FAT3: variants seen among roughly 807,000 people sequenced by gnomAD.
FAT3 encodes protocadherin Fat 3.
In FAT3, 95 loss-of-function variants were observed where a neutral mutation model predicts 310.2. That is an observed-to-expected ratio of 0.31 (90% CI 0.26 to 0.36). FAT3 has a LOEUF of 0.36. FAT3 is among the 10% of genes least tolerant of loss of function. The pLI, the probability that FAT3 is intolerant of heterozygous loss-of-function variation, is 1.00. For synonymous variants in FAT3, 2,314 were observed against 2,192.9 expected, an observed-to-expected ratio of 1.06 and a Z score of -1.54; for missense variants, 5,408 against 5,715.6, an observed-to-expected ratio of 0.95 and a Z score of 1.74.
chr11:92,671,760 A>G (rs1162966255), intron 3 of FAT3, among the ~76,000 whole-genome samples: 1 of 152,118 alleles, frequency 6.6e-6, no homozygotes, highest in Non-Finnish European at 1.5e-5. Flanking sequence ...ACATTTGAGT[A>G]AGGTGCTTAG....
chr11:92,321,482 A>G (rs1021788094), intron 1 of FAT3, among the ~76,000 whole-genome samples: 2 of 152,058 alleles, frequency 1.3e-5, no homozygotes, highest in African/African-American at 4.8e-5. Flanking sequence ...TGTACTCTAG[A>G]TTATTAATTT....
chr11:92,623,165 C>A (rs1941162886), intron 3 of FAT3, among the ~76,000 whole-genome samples: 1 of 95,938 alleles, frequency 1.0e-5, no homozygotes, highest in East Asian at 2.4e-4. Context: ...CTGCCATAGT[C>A]CCATGTTGCT....
intron 4 of FAT3, among the ~76,000 whole-genome samples, chr11:92,720,861 T>A (rs1052598969): frequency 6.6e-6 from 1 of 152,240 alleles, no homozygotes; most frequent in Non-Finnish European, 1.5e-5. Flanking sequence ...GTAAATGATA[T>A]TTGAACTCAG....
At chr11:92,854,660 A>T (rs1490869705) in intron 19 of FAT3, among the ~76,000 whole-genome samples, 3 of 152,208 alleles carry the variant, frequency 2.0e-5, no homozygotes, top group Admixed American at 1.3e-4. Flanking sequence ...GCTGTTTTTT[A>T]AAAATGTTAC....
At chr11:92,283,551 G>A (rs1946483242) in intron 1 of FAT3, among the ~76,000 whole-genome samples, 1 of 152,116 alleles carries the variant, frequency 6.6e-6, no homozygotes, top group African/African-American at 2.4e-5. Flanking sequence ...GTTGAATCCA[G>A]TTTCTTTGGC....
chr11:92,827,923 T>C (rs1023297995), intron 13 of FAT3, among the ~76,000 whole-genome samples: 18 of 152,162 alleles, frequency 1.2e-4, no homozygotes, highest in Middle Eastern at 3.2e-3. Flanking sequence ...AAGTCACACT[T>C]CTCTTGGTAA....
In FAT3 at chr11:92,720,439, A is replaced by G. The variant is rs147132261; in HGVS notation, c.3669+22994A>G. On this transcript the variant is annotated intron_variant, in intron 4 of 27. Transcript: ENST00000525166. ...TCTCAGGGAATAGATGGATACACAT[A>G]AAGAGAGCTACATAGTTCGTTTCTA... 2.8e-4 allele frequency among the ~76,000 whole-genome samples: 43 copies of G among 152,338 alleles called. No individual in the cohort carries two copies. The East Asian group carries it at 7.7e-3, about 27-fold the overall frequency.
In FAT3 at chr11:92,857,327, G is replaced by A. The variant is rs1450052251; in HGVS notation, c.11479G>A (p.Gly3827Arg). 1 of 1,614,012 alleles carries A rather than the reference G, an allele frequency of 6.2e-7. No individual in the cohort carries two copies. The highest frequency in any genetic ancestry group is 8.5e-7 in the Non-Finnish European group (1 of 1,179,904). The part of the protein sequence containing the change: ...RRPFLCQCPP[G>R]KLGECSGHTS... ...ACCGTTCCTCTGCCAGTGTCCACCA[G>A]GGAAGCTCGGAGAGTGCTCAGGTGC... The change falls in exon 20 of 28, where the codon GGG (glycine) becomes AGG (arginine). Residue 3827 changes from glycine (G) to arginine (R), a missense_variant. Physicochemically the swap from Gly to Arg is moderately radical, Grantham distance 125. Coordinates refer to ENST00000525166, the MANE Select transcript of FAT3 (RefSeq NM_001367949.2).
chr11:92,890,733 G>A lies in FAT3; in HGVS notation c.13390G>A (p.Glu4464Lys), dbSNP rs2136445803. ...PLPEDFPDQY[E>K]ALPPSQPVSL... is the part of the protein sequence containing the mutation. ...CCCGGAGGACTTCCCAGACCAATATGAGGCCCTGCCACCCTCCCAGCCTGT... is the reference window on the plus strand; with the variant it reads ...CCCGGAGGACTTCCCAGACCAATATAAGGCCCTGCCACCCTCCCAGCCTGT... The change falls in exon 28 of 28, where the codon GAG becomes AAG. Residue 4464 changes from glutamate to lysine, a missense_variant. By Grantham distance (56) the Glu-to-Lys change is moderately conservative (BLOSUM62 1). This residue lies in a region of FAT3 where 649 missense variants were observed against 666.2 expected (regional missense o/e 0.97). Coordinates refer to ENST00000525166, the MANE Select transcript of FAT3 (RefSeq NM_001367949.2). 1 of 1,613,606 alleles carries A rather than the reference G, an allele frequency of 6.2e-7. No individual in the cohort carries two copies. Among genetic ancestry groups the A allele is most frequent in the East Asian group, 2.2e-5 (1 of 44,850 alleles).
rs142656713 is a variant in FAT3, at chr11:92,557,952, A to G, written c.3607+33004A>G. 3.3e-4 allele frequency among the ~76,000 whole-genome samples: 50 copies of G among 152,284 alleles called. No individual in the cohort carries two copies. In the East Asian group the frequency reaches 9.3e-3, roughly 28 times the overall value. On this transcript the variant is annotated intron_variant, in intron 3 of 27. Coordinates refer to ENST00000525166, the MANE Select transcript of FAT3 (RefSeq NM_001367949.2). ...ATGTGAGCCTGAAGGCTCTTGCCAC[A>G]TATTATATGAGCCTTATTTTGGAGT...
intron 13 of FAT3, among the ~76,000 whole-genome samples, chr11:92,825,148 G>A (rs2136242741): frequency 6.6e-6 from 1 of 152,294 alleles, no homozygotes; most frequent in South Asian, 2.1e-4. Flanking sequence ...TTCAGCACAT[G>A]CATTTGCAAT....
chr11:92,248,985 T>G (rs967982668), intron 1 of FAT3, among the ~76,000 whole-genome samples: 6 of 152,118 alleles, frequency 3.9e-5, no homozygotes, highest in Non-Finnish European at 8.8e-5. Flanking sequence ...ATCACATAAC[T>G]AAGTAGGGCT....
chr11:92,797,581 T>A (rs1023755923), intron 9 of FAT3, among the ~76,000 whole-genome samples: 5 of 152,194 alleles, frequency 3.3e-5, no homozygotes, highest in African/African-American at 1.2e-4. Flanking sequence ...GACTGTGTCA[T>A]TGTCATTGTG....
chr11:92,326,796 T>C lies in FAT3; in HGVS notation c.-17-25300T>C, dbSNP rs141024474. 1.2e-4 allele frequency among the ~76,000 whole-genome samples: 18 copies of C among 152,336 alleles called. 1 individual carries two copies. In the East Asian group the frequency reaches 3.5e-3, roughly 29 times the overall value. ...CAGAAACTGGAGTCTTATTTTCTATTGGCTATTTACTCTCAAGACTTAGAA... is the reference window on the plus strand; with the variant it reads ...CAGAAACTGGAGTCTTATTTTCTATCGGCTATTTACTCTCAAGACTTAGAA... On this transcript the variant is annotated intron_variant, in intron 1 of 27. Coordinates refer to ENST00000525166, the MANE Select transcript of FAT3 (RefSeq NM_001367949.2).
chr11:92,254,549 T>C (rs911190865), intron 1 of FAT3, among the ~76,000 whole-genome samples: 6 of 152,104 alleles, frequency 3.9e-5, no homozygotes, highest in African/African-American at 1.2e-4. Context: ...CATTAGGTAG[T>C]GGGGAGACTT....
chr11:92,462,320 C>T (rs1010520042), intron 2 of FAT3, among the ~76,000 whole-genome samples: 1 of 152,050 alleles, frequency 6.6e-6, no homozygotes, highest in Non-Finnish European at 1.5e-5. Flanking sequence ...TCACTCTCCT[C>T]CCACCCTCCA....
At chr11:92,779,022 A>G (rs1946670449) in intron 7 of FAT3, among the ~76,000 whole-genome samples, 1 of 152,110 alleles carries the variant, frequency 6.6e-6, no homozygotes, top group African/African-American at 2.4e-5. Flanking sequence ...AAGCTCAGAG[A>G]TGAGTGAGGA....
chr11:92,720,722 C>T (rs750255960), intron 4 of FAT3, among the ~76,000 whole-genome samples: 1 of 152,130 alleles, frequency 6.6e-6, no homozygotes, highest in Non-Finnish European at 1.5e-5. Flanking sequence ...TTTAACTCTT[C>T]TTCATCTTTT....
rs1160851690 is a variant in FAT3, at chr11:92,355,847, G to A, written c.3292+443G>A. Among the ~76,000 whole-genome samples the A allele has an allele frequency of 2.0e-5, 3 of 152,318 alleles. No homozygotes were observed. The East Asian group carries it at 5.8e-4, about 29-fold the overall frequency. Reference sequence around the variant, plus strand: ...CCCTTTACAGTAAGGCTTTGCAGAAGTGATATTGCATTAGTTGCTTGGTCT... The same window carrying A: ...CCCTTTACAGTAAGGCTTTGCAGAAATGATATTGCATTAGTTGCTTGGTCT... On this transcript the variant is annotated intron_variant, in intron 2 of 27. Coordinates refer to ENST00000525166, the MANE Select transcript of FAT3 (RefSeq NM_001367949.2).
Sources: gnomAD v4.1 joint callset for allele counts (sites outside exome capture counted in the v4.1 genomes callset) on GRCh38, gnomAD v4.1.1 for gene constraint, gnomAD v4.1.1 regional missense constraint, MANE v1.5 for transcripts, NCBI Gene and HGNC (gene_info 2026-07-23, HGNC 2026-07-21) for gene names.